TTC28: variants seen among roughly 807,000 people sequenced by gnomAD.
TTC28 encodes tetratricopeptide repeat domain 28.
Under a neutral mutation model 198.0 loss-of-function variants are expected in TTC28, and 61 were observed. That is an observed-to-expected ratio of 0.31 (90% confidence interval 0.25 to 0.38). The LOEUF (loss-of-function observed/expected upper bound fraction) is 0.38, where lower values mean the gene tolerates loss of function less well. TTC28 is among the 10% of genes least tolerant of loss of function. TTC28 has a pLI of 1.00. For synonymous variants in TTC28, 1,171 were observed against 1,297.8 expected (o/e 0.90, Z 2.10); for missense variants, 2,678 against 3,164.0 (o/e 0.85, Z 3.69).
intron 1 of TTC28, among the ~76,000 whole-genome samples, chr22:28,651,708 G>A (rs1042967984): frequency 1.3e-5 from 2 of 152,036 alleles, no homozygotes; most frequent in East Asian, 3.9e-4. Context: ...CACTGTGCTT[G>A]GCCCTCGCCA....
At chr22:28,101,698 C>G (rs2146882668) in intron 8 of TTC28, among the ~76,000 whole-genome samples, 1 of 144,684 alleles carries the variant, frequency 6.9e-6, no homozygotes, top group East Asian at 2.0e-4. Context: ...TTAACAAGAG[C>G]CACTCAGGAG....
intron 5 of TTC28, among the ~76,000 whole-genome samples, chr22:28,291,750 T>C (rs965913300): frequency 2.0e-5 from 3 of 152,198 alleles, no homozygotes; most frequent in Non-Finnish European, 4.4e-5. Flanking sequence ...CCTACAAGGA[T>C]ATTTTTCCAG....
chr22:27,999,362 G>A, intron 15 of TTC28, 102 bp from the exon 16 acceptor site: 1 of 1,435,338 alleles, frequency 7.0e-7, no homozygotes, highest in Non-Finnish European at 9.2e-7. Context: ...TCTGCTGGTT[G>A]AGCTTGAATC....
At chr22:28,349,309 T>C (rs2045956029) in intron 2 of TTC28, among the ~76,000 whole-genome samples, 1 of 152,236 alleles carries the variant, frequency 6.6e-6, no homozygotes, top group South Asian at 2.1e-4. Flanking sequence ...CAGATGAAAT[T>C]GTTATCTTAA....
At chr22:28,310,058 CAAGAAT>C (rs1442924842) in intron 2 of TTC28, among the ~76,000 whole-genome samples, 1 of 151,502 alleles carries the variant, frequency 6.6e-6, no homozygotes, top group Non-Finnish European at 1.5e-5. Context: ...AACTGGATTA[CAAGAAT>C]AAGTTTCCAT....
chr22:28,299,576 A>G (rs1166824779), intron 3 of TTC28, among the ~76,000 whole-genome samples: 1 of 152,244 alleles, frequency 6.6e-6, no homozygotes, highest in African/African-American at 2.4e-5. Context: ...AGAATACAAA[A>G]GCACAATACC....
chr22:28,346,709 CTT>C (rs1165789176), intron 2 of TTC28, among the ~76,000 whole-genome samples: 1 of 152,124 alleles, frequency 6.6e-6, no homozygotes, highest in Non-Finnish European at 1.5e-5. Flanking sequence ...ACGCAAGACT[CTT>C]TACATTCAGA....
At chr22:28,666,887 G>A (rs1436451182) in intron 1 of TTC28, among the ~76,000 whole-genome samples, 7 of 71,818 alleles carry the variant, frequency 9.7e-5, no homozygotes, top group Admixed American at 1.7e-4. Context: ...GAACATTGAC[G>A]CAAAAATCCT....
At chr22:28,499,797 TAG>T (rs1326788369) in intron 2 of TTC28, among the ~76,000 whole-genome samples, 1 of 152,168 alleles carries the variant, frequency 6.6e-6, no homozygotes, top group African/African-American at 2.4e-5. Flanking sequence ...AATATTTTTG[TAG>T]AGTTTTTAAA....
chr22:27,984,436 C>T (rs542452787), intron 22 of TTC28, among the ~76,000 whole-genome samples: 5 of 152,174 alleles, frequency 3.3e-5, no homozygotes, highest in East Asian at 1.9e-4. Context: ...CACACCCTGC[C>T]CTCACCACCC....
At chr22:28,099,688 A>G (rs905537498) in intron 9 of TTC28, among the ~76,000 whole-genome samples, 1 of 152,244 alleles carries the variant, frequency 6.6e-6, no homozygotes, top group Non-Finnish European at 1.5e-5. Context: ...ATTAAAACAG[A>G]TATTAATCCA....
At chr22:28,087,030 A>G (rs1024996862) in intron 12 of TTC28, among the ~76,000 whole-genome samples, 26 of 152,290 alleles carry the variant, frequency 1.7e-4, no homozygotes, top group African/African-American at 6.3e-4. Flanking sequence ...TAGCTTACCA[A>G]CCAAAAAGAG....
chr22:28,253,373 T>G (rs905276539), intron 5 of TTC28, among the ~76,000 whole-genome samples: 1 of 152,110 alleles, frequency 6.6e-6, no homozygotes, highest in Non-Finnish European at 1.5e-5. Context: ...AAACAAAGAC[T>G]GCAAATTGCC....
At chr22:28,443,583 T>C (rs2047657772) in intron 2 of TTC28, among the ~76,000 whole-genome samples, 1 of 152,018 alleles carries the variant, frequency 6.6e-6, no homozygotes, top group Non-Finnish European at 1.5e-5. Flanking sequence ...TTTTTTTTAA[T>C]TCCCAAGAAC....
chr22:28,384,218 CT>C (rs569243428), intron 2 of TTC28, among the ~76,000 whole-genome samples: 116 of 151,692 alleles, frequency 7.6e-4, no homozygotes, highest in Non-Finnish European at 1.4e-3. Flanking sequence ...CTTCATCACT[CT>C]TTTTTTTTAA....
chr22:28,638,084 T>C (rs958489408), intron 1 of TTC28, among the ~76,000 whole-genome samples: 2 of 152,030 alleles, frequency 1.3e-5, no homozygotes, highest in Admixed American at 1.3e-4. Context: ...AAGGGAGAAA[T>C]AGACAGCAAT....
intron 2 of TTC28, among the ~76,000 whole-genome samples, chr22:28,492,446 A>G (rs1473369723): frequency 6.6e-6 from 1 of 152,168 alleles, no homozygotes; most frequent in East Asian, 1.9e-4. Flanking sequence ...AAACATAAGT[A>G]TTTAGCACAA....
intron 5 of TTC28, among the ~76,000 whole-genome samples, chr22:28,170,216 G>A (rs1311399789): frequency 2.0e-5 from 3 of 151,994 alleles, no homozygotes; most frequent in Admixed American, 1.3e-4. Context: ...GGCCGGGTGC[G>A]GTGGCTCACA....
chr22:28,489,251 T>C (rs74705527), intron 2 of TTC28, among the ~76,000 whole-genome samples: 3,290 of 151,676 alleles, frequency 0.022, 117 homozygotes, highest in African/African-American at 0.076. Flanking sequence ...GCCACTGCAC[T>C]CCAGCCTGGG....
Sources: gnomAD v4.1 joint callset for allele counts (sites outside exome capture counted in the v4.1 genomes callset) on GRCh38, gnomAD v4.1.1 for gene constraint, MANE v1.5 for transcripts, NCBI Gene and HGNC (gene_info 2026-07-23, HGNC 2026-07-21) for gene names.